MAGI2: variants seen among roughly 807,000 people sequenced by gnomAD.
The protein encoded by MAGI2 is membrane associated guanylate kinase, WW and PDZ domain containing 2, also known as membrane-associated guanylate kinase, WW and PDZ domain-containing protein 2.
In MAGI2, 35 loss-of-function variants were observed where a neutral mutation model predicts 133.3. The ratio of observed to expected loss-of-function variants is 0.26; its 90% CI spans 0.20 to 0.35. The LOEUF (loss-of-function observed/expected upper bound fraction) is 0.35, where lower values mean the gene tolerates loss of function less well. MAGI2 is among the 10% of genes least tolerant of loss of function. The pLI, the probability that MAGI2 is intolerant of heterozygous loss-of-function variation, is 1.00. For missense variants in MAGI2, 1,636 were observed against 1,863.4 expected, an observed-to-expected ratio of 0.88 and a Z score of 2.25; for synonymous variants, 729 against 710.6, an observed-to-expected ratio of 1.03 and a Z score of -0.41.
At chr7:78,435,158 C>T (rs1220541979) in intron 6 of MAGI2, among the ~76,000 whole-genome samples, 8 of 152,172 alleles carry the variant, frequency 5.3e-5, no homozygotes, top group East Asian at 3.9e-4. Context: ...AAGCACTTAG[C>T]GCCTAGGGAC....
chr7:78,449,988 G>T (rs1861382), intron 6 of MAGI2, among the ~76,000 whole-genome samples: 70,913 of 151,488 alleles, frequency 0.47, 18,504 homozygotes, highest in Non-Finnish European at 0.59. Flanking sequence ...TACATAAATG[G>T]AGCTTCATAT....
chr7:79,307,524 C>T (rs1837921395), intron 1 of MAGI2, among the ~76,000 whole-genome samples: 1 of 152,136 alleles, frequency 6.6e-6, no homozygotes. Context: ...CTACCTGCAT[C>T]ATCTATGGGA....
chr7:79,314,162 C>T (rs990566284), intron 1 of MAGI2, among the ~76,000 whole-genome samples: 14 of 152,048 alleles, frequency 9.2e-5, no homozygotes, highest in Non-Finnish European at 8.8e-5. Context: ...TTAGTAGAGA[C>T]GGGGTTTCAT....
At chr7:79,078,910 A>C (rs1397741319) in intron 1 of MAGI2, among the ~76,000 whole-genome samples, 2 of 152,184 alleles carry the variant, frequency 1.3e-5, no homozygotes, top group Non-Finnish European at 2.9e-5. Context: ...TGAGGTTTTA[A>C]ATTCATGGAA....
At chr7:79,188,389 T>C (rs1249484356) in intron 1 of MAGI2, among the ~76,000 whole-genome samples, 1 of 151,884 alleles carries the variant, frequency 6.6e-6, no homozygotes. Context: ...TGGTTTTCTG[T>C]TCCTGAGTTA....
intron 2 of MAGI2, among the ~76,000 whole-genome samples, chr7:78,881,416 C>T (rs189406656): frequency 0.019 from 1,995 of 105,196 alleles, 101 homozygotes; most frequent in Admixed American, 0.15. Flanking sequence ...CATCACACAC[C>T]GGGGCCTGTC....
At chr7:78,757,448 C>A (rs1392181490) in intron 2 of MAGI2, among the ~76,000 whole-genome samples, 1 of 151,952 alleles carries the variant, frequency 6.6e-6, no homozygotes, top group Non-Finnish European at 1.5e-5. Context: ...CTGGCTCCTG[C>A]CTTATTTCTC....
chr7:79,299,381 G>A (rs970144169), intron 1 of MAGI2, among the ~76,000 whole-genome samples: 3 of 151,720 alleles, frequency 2.0e-5, no homozygotes, highest in Non-Finnish European at 4.4e-5. Flanking sequence ...ATGGTCAGGA[G>A]ATGGCCTGGA....
intron 1 of MAGI2, among the ~76,000 whole-genome samples, chr7:79,090,791 A>C (rs1816974058): frequency 6.6e-6 from 1 of 152,174 alleles, no homozygotes; most frequent in Admixed American, 6.6e-5. Context: ...CTACATAGTG[A>C]GTTATATCCA....
intron 20 of MAGI2, among the ~76,000 whole-genome samples, chr7:78,083,573 TC>T (rs1816293651): frequency 6.6e-6 from 1 of 152,226 alleles, no homozygotes; most frequent in Admixed American, 6.5e-5. Context: ...CTCATTTTTT[TC>T]CTATGGAAGA....
Position 79,406,666 on chromosome 7 carries a change from C to A in MAGI2, c.301+46354G>T, listed in dbSNP as rs1336875554. Among the ~76,000 whole-genome samples the A allele has an allele frequency of 3.9e-5, 6 of 152,164 alleles. No homozygotes were observed. In the South Asian group the frequency reaches 6.2e-4, roughly 16 times the overall value. ...TTTCATCTTCCAGGGTCTGAATTTTCTACTTTTGAGTTACATAAGGATCTC... is the reference window on the plus strand; with the variant it reads ...TTTCATCTTCCAGGGTCTGAATTTTATACTTTTGAGTTACATAAGGATCTC... On this transcript the variant is annotated intron_variant, in intron 1 of 21. Coordinates refer to ENST00000354212, the MANE Select transcript of MAGI2 (RefSeq NM_012301.4).
intron 1 of MAGI2, among the ~76,000 whole-genome samples, chr7:79,123,432 G>A (rs1820088107): frequency 6.6e-6 from 1 of 152,094 alleles, no homozygotes; most frequent in East Asian, 1.9e-4. Context: ...CTATGCCTCA[G>A]TTTTCTCTTT....
intron 20 of MAGI2, among the ~76,000 whole-genome samples, chr7:78,107,389 CATT>C (rs1261867597): frequency 6.6e-6 from 1 of 152,004 alleles, no homozygotes; most frequent in Non-Finnish European, 1.5e-5. Flanking sequence ...TGAAGAATGT[CATT>C]GGTATTTTGA....
chr7:78,039,440 C>T (rs1369430090), intron 21 of MAGI2: 1 of 152,178 alleles, frequency 6.6e-6, no homozygotes, highest in Non-Finnish European at 1.5e-5. Context: ...TGGTGGAAAA[C>T]CTGGAATTCT....
At chr7:78,463,959 A>G (rs1207575317) in intron 6 of MAGI2, among the ~76,000 whole-genome samples, 2 of 152,160 alleles carry the variant, frequency 1.3e-5, no homozygotes, top group Admixed American at 6.5e-5. Flanking sequence ...AAGCAGATGA[A>G]CAAGAGTGAG....
chr7:79,043,956 G>T (rs767866049), intron 1 of MAGI2, among the ~76,000 whole-genome samples: 26 of 152,074 alleles, frequency 1.7e-4, no homozygotes, highest in Non-Finnish European at 2.8e-4. Flanking sequence ...ACCAGAAAAA[G>T]CCCTGGACTA....
At chr7:78,408,216 G>A (rs1797562387) in intron 6 of MAGI2, among the ~76,000 whole-genome samples, 1 of 151,986 alleles carries the variant, frequency 6.6e-6, no homozygotes, top group African/African-American at 2.4e-5. Context: ...GTGCCATTGT[G>A]GAGTGGCTAA....
At chr7:78,919,872 C>T (rs528688758) in intron 2 of MAGI2, among the ~76,000 whole-genome samples, 1 of 152,072 alleles carries the variant, frequency 6.6e-6, no homozygotes, top group Admixed American at 6.6e-5. Context: ...TCATTCACTT[C>T]CATTCTTTCA....
intron 21 of MAGI2, among the ~76,000 whole-genome samples, chr7:78,040,735 C>A (rs922959021): frequency 2.0e-5 from 3 of 152,192 alleles, no homozygotes; most frequent in Non-Finnish European, 4.4e-5. Context: ...GACGTCTAAA[C>A]CCTCGTGAAG....
Sources: allele counts gnomAD v4.1 joint callset (sites outside exome capture counted in the v4.1 genomes callset), GRCh38; gene constraint gnomAD v4.1.1; transcripts MANE v1.5; gene names NCBI Gene and HGNC (gene_info 2026-07-23, HGNC 2026-07-21).